The following RBPJ variants were observed in gnomAD, a reference collection of about 807,000 sequenced individuals.
The protein encoded by RBPJ is recombination signal binding protein for immunoglobulin kappa J region.
In RBPJ, 9 loss-of-function variants were observed where a neutral mutation model predicts 67.8. That is an observed-to-expected ratio of 0.13 (90% CI 0.08 to 0.23). The LOEUF (loss-of-function observed/expected upper bound fraction) is 0.23. RBPJ is among the 10% of genes least tolerant of loss of function. The pLI, the probability that RBPJ is intolerant of heterozygous loss-of-function variation, is 1.00. For synonymous variants in RBPJ, 198 were observed against 203.3 expected, an observed-to-expected ratio of 0.97 and a Z score of 0.22; for missense variants, 305 against 595.6, an observed-to-expected ratio of 0.51 and a Z score of 5.08.
chr4:26,119,454 C>T, the RBPJ span, among the ~76,000 whole-genome samples: 522 of 152,236 alleles, frequency 3.4e-3, 4 homozygotes, highest in African/African-American at 0.012. Context: ...TTCAGATTAG[C>T]TCCCCCTCCT....
At chr4:26,313,077 C>A in intron 1 of RBPJ, among the ~76,000 whole-genome samples, 1 of 152,178 alleles carries the variant, frequency 6.6e-6, no homozygotes, top group East Asian at 1.9e-4. Flanking sequence ...CATATGCCAC[C>A]ATGCCCAGCT....
At chr4:26,346,418 A>C (rs1726153003) in intron 1 of RBPJ, among the ~76,000 whole-genome samples, 1 of 152,168 alleles carries the variant, frequency 6.6e-6, no homozygotes. Flanking sequence ...CTTATTATGC[A>C]AGTAAACTTT....
the RBPJ span, among the ~76,000 whole-genome samples, chr4:26,141,409 A>C: frequency 6.6e-6 from 1 of 152,204 alleles, no homozygotes; most frequent in African/African-American, 2.4e-5. Context: ...GGACCCAGGA[A>C]GGCCAGGCTG....
chr4:26,364,985 A>T (rs1384329774), intron 1 of RBPJ, among the ~76,000 whole-genome samples: 1 of 151,972 alleles, frequency 6.6e-6, no homozygotes, highest in African/African-American at 2.4e-5. Context: ...TGCATTTCAA[A>T]TCTAATCCTT....
chr4:26,287,615 G>A (rs981905818), intron 1 of RBPJ, among the ~76,000 whole-genome samples: 1 of 38,520 alleles, frequency 2.6e-5, no homozygotes, highest in African/African-American at 1.3e-4. Context: ...GGAGGGGAGG[G>A]GAGGGGAGGG....
At chr4:26,124,718 T>C in the RBPJ span, among the ~76,000 whole-genome samples, 3 of 151,916 alleles carry the variant, frequency 2.0e-5, no homozygotes, top group Admixed American at 2.0e-4. Context: ...TGTAGAAGTG[T>C]TCCGTTTACC....
At chr4:26,327,773 A>T (rs1331086004) in intron 1 of RBPJ, among the ~76,000 whole-genome samples, 1 of 152,012 alleles carries the variant, frequency 6.6e-6, no homozygotes, top group African/African-American at 2.4e-5. Context: ...TGAGCCCAGG[A>T]GTTTGAGGCT....
At chr4:26,286,317 A>G (rs1253140833) in intron 1 of RBPJ, among the ~76,000 whole-genome samples, 1 of 152,030 alleles carries the variant, frequency 6.6e-6, no homozygotes, top group Admixed American at 6.6e-5. Flanking sequence ...GGTCTCTTTA[A>G]AAATAAAAAA....
the RBPJ span, among the ~76,000 whole-genome samples, chr4:26,144,047 T>C: frequency 6.6e-6 from 1 of 152,182 alleles, no homozygotes; most frequent in Non-Finnish European, 1.5e-5. Context: ...GTGTTAAATT[T>C]CAAAAGGCCA....
intron 1 of RBPJ, among the ~76,000 whole-genome samples, chr4:26,312,814 TGCC>T (rs1722476937): frequency 6.6e-6 from 1 of 152,242 alleles, no homozygotes; most frequent in Non-Finnish European, 1.5e-5. Context: ...ATCAAGATGA[TGCC>T]TGACCTGCAG....
At chr4:26,389,476 A>G (rs1731274209) in intron 2 of RBPJ, among the ~76,000 whole-genome samples, 1 of 150,218 alleles carries the variant, frequency 6.7e-6, no homozygotes, top group African/African-American at 2.5e-5. Flanking sequence ...CAGTAGATAT[A>G]TACCGTTTTA....
chr4:26,201,475 T>C (rs1243629288), intron 1 of RBPJ, among the ~76,000 whole-genome samples: 5 of 152,168 alleles, frequency 3.3e-5, no homozygotes, highest in South Asian at 2.1e-4. Context: ...CTCAAGATGG[T>C]ATCAGTGTGA....
chr4:26,142,397 G>A, the RBPJ span, among the ~76,000 whole-genome samples: 1 of 152,220 alleles, frequency 6.6e-6, no homozygotes, highest in South Asian at 2.1e-4. Context: ...GAGGCCAGTG[G>A]GATGCAGTTG....
intron 3 of RBPJ, among the ~76,000 whole-genome samples, chr4:26,409,776 G>T (rs1359973866): frequency 1.3e-5 from 2 of 152,180 alleles, no homozygotes; most frequent in Non-Finnish European, 1.5e-5. Context: ...GGGATTACGG[G>T]CGTGAGCCAC....
At chr4:26,117,947 A>G in the RBPJ span, among the ~76,000 whole-genome samples, 1 of 152,142 alleles carries the variant, frequency 6.6e-6, no homozygotes, top group African/African-American at 2.4e-5. Flanking sequence ...TTGTGCATGG[A>G]TATATACATA....
the RBPJ span, among the ~76,000 whole-genome samples, chr4:26,141,982 G>A: frequency 6.6e-6 from 1 of 152,250 alleles, no homozygotes; most frequent in Non-Finnish European, 1.5e-5. Flanking sequence ...CATCTTTGTT[G>A]ACTCGCAGCT....
chr4:26,158,990 G>T (rs1312596218), upstream of RBPJ, among the ~76,000 whole-genome samples: 4 of 86,554 alleles, frequency 4.6e-5, no homozygotes, highest in East Asian at 3.3e-4. Context: ...TCTCAATTTA[G>T]TCCCTTTCAG....
intron 1 of RBPJ, among the ~76,000 whole-genome samples, chr4:26,330,094 G>C (rs552498588): frequency 6.6e-6 from 1 of 152,208 alleles, no homozygotes; most frequent in African/African-American, 2.4e-5. Flanking sequence ...AAAGTTCTGA[G>C]TAAGGTGAAC....
chr4:26,317,710 A>C (rs1409142907), upstream of RBPJ, among the ~76,000 whole-genome samples: 3 of 152,214 alleles, frequency 2.0e-5, no homozygotes, highest in African/African-American at 7.2e-5. Context: ...AGGTGGAGCC[A>C]ATAGGATTTT....
Sources: gnomAD v4.1 joint callset for allele counts (sites outside exome capture counted in the v4.1 genomes callset) on GRCh38, gnomAD v4.1.1 for gene constraint, MANE v1.5 for transcripts, NCBI Gene and HGNC (gene_info 2026-07-23, HGNC 2026-07-21) for gene names.